The following UNC13C variants were observed in gnomAD, a reference collection of about 807,000 sequenced individuals.
UNC13C encodes protein unc-13 homolog C.
Under a neutral mutation model 245.4 loss-of-function variants are expected in UNC13C, and 174 were observed. The ratio of observed to expected loss-of-function variants is 0.71; its 90% CI spans 0.63 to 0.80. The LOEUF (loss-of-function observed/expected upper bound fraction) is 0.80. Among genes scored for constraint, UNC13C ranks in the 30% least tolerant of loss-of-function variants. The pLI is 0.00. For missense variants in UNC13C, 2,829 were observed against 2,602.9 expected, an observed-to-expected ratio of 1.09 and a Z score of -1.89; for synonymous variants, 992 against 895.1, an observed-to-expected ratio of 1.11 and a Z score of -1.93.
intron 10 of UNC13C, among the ~76,000 whole-genome samples, chr15:54,278,270 C>T (rs1034612539): frequency 2.0e-5 from 3 of 152,018 alleles, no homozygotes; most frequent in Non-Finnish European, 4.4e-5. Flanking sequence ...TTTAGAACTC[C>T]AAGAAAATTC....
intron 30 of UNC13C, among the ~76,000 whole-genome samples, chr15:54,608,830 A>G (rs1899920923): frequency 6.6e-6 from 1 of 152,146 alleles, no homozygotes; most frequent in South Asian, 2.1e-4. Context: ...ACAGTTCCTT[A>G]TCTTGCTATA....
At chr15:54,339,465 C>T (rs11634805) in intron 17 of UNC13C, among the ~76,000 whole-genome samples, 41,218 of 151,788 alleles carry the variant, frequency 0.27, 5,971 homozygotes, top group Admixed American at 0.36. Flanking sequence ...ATCATTCTTA[C>T]GCCTTTGCAC....
chr15:54,057,953 T>C (rs1172267845), intron 2 of UNC13C, among the ~76,000 whole-genome samples: 3 of 152,122 alleles, frequency 2.0e-5, no homozygotes, highest in African/African-American at 7.2e-5. Flanking sequence ...CTGGGACTCA[T>C]TCAGAGCAGT....
chr15:54,128,771 G>A (rs554182704), intron 2 of UNC13C, among the ~76,000 whole-genome samples: 2 of 152,300 alleles, frequency 1.3e-5, no homozygotes, highest in African/African-American at 4.8e-5. Flanking sequence ...ATGGCTGGGA[G>A]TTGAGACTTC....
intron 2 of UNC13C, among the ~76,000 whole-genome samples, chr15:54,058,924 A>T (rs1306181900): frequency 6.6e-6 from 1 of 152,226 alleles, no homozygotes; most frequent in Non-Finnish European, 1.5e-5. Flanking sequence ...CTTCATGCTA[A>T]AAACTCTCAA....
rs1900576323 is a variant in UNC13C at position 54,618,366 on chromosome 15, T to A, written c.6107-3961T>A. Reference sequence around the variant, plus strand: ...TGTTGTAGACACACAGATGGTGATTTCACATGTAGGCTAATCCCTATGGAT... The same window carrying A: ...TGTTGTAGACACACAGATGGTGATTACACATGTAGGCTAATCCCTATGGAT... On this transcript the variant is annotated intron_variant, in intron 30 of 32. Transcript: ENST00000260323. Among the ~76,000 whole-genome samples, 2 of 152,170 alleles carry A rather than the reference T, an allele frequency of 1.3e-5. 1 individual carries two copies. Among genetic ancestry groups the A allele is most frequent in the South Asian group, 4.1e-4 (2 of 4,826 alleles).
intron 10 of UNC13C, among the ~76,000 whole-genome samples, chr15:54,279,629 G>A (rs1413447112): frequency 6.6e-6 from 1 of 152,184 alleles, no homozygotes; most frequent in Non-Finnish European, 1.5e-5. Context: ...GAATAGCTAA[G>A]AGAAAGGATG....
chr15:54,032,508 G>C (rs1271287223), intron 2 of UNC13C, among the ~76,000 whole-genome samples: 1 of 152,084 alleles, frequency 6.6e-6, no homozygotes, highest in Non-Finnish European at 1.5e-5. Flanking sequence ...TTTAGCACAA[G>C]GTATCCAATT....
chr15:54,416,231 TA>T (rs1036939554), intron 19 of UNC13C, among the ~76,000 whole-genome samples: 2 of 152,198 alleles, frequency 1.3e-5, no homozygotes, highest in Admixed American at 1.3e-4. Flanking sequence ...TCATTTTGAT[TA>T]CAATATGGAA....
chr15:54,134,552 C>G (rs571262805), intron 2 of UNC13C, among the ~76,000 whole-genome samples: 10 of 152,080 alleles, frequency 6.6e-5, no homozygotes, highest in Non-Finnish European at 1.3e-4. Context: ...CTCGCTGTCT[C>G]GCTGTCTCCC....
chr15:54,614,000 C>G (rs16974964), intron 30 of UNC13C, among the ~76,000 whole-genome samples: 4,141 of 151,994 alleles, frequency 0.027, 192 homozygotes, highest in African/African-American at 0.094. Context: ...GTTGCCCCAG[C>G]TACTTTAATT....
the UNC13C span, among the ~76,000 whole-genome samples, chr15:53,941,023 G>A: frequency 6.6e-6 from 1 of 151,094 alleles, no homozygotes; most frequent in African/African-American, 2.4e-5. Context: ...AAACAACAAA[G>A]CTAGAAGCAT....
chr15:54,337,751 G>T (rs1178862021), intron 16 of UNC13C, among the ~76,000 whole-genome samples: 1 of 151,922 alleles, frequency 6.6e-6, no homozygotes, highest in Non-Finnish European at 1.5e-5. Flanking sequence ...TAGTTGTTTT[G>T]CTAAAATTAG....
At chr15:54,243,141 C>A (rs1462281846) in intron 7 of UNC13C, among the ~76,000 whole-genome samples, 2 of 150,504 alleles carry the variant, frequency 1.3e-5, no homozygotes, top group Non-Finnish European at 3.0e-5. Flanking sequence ...TCCTCCCACC[C>A]CCACCCCGAC....
At chr15:54,388,658 T>C (rs1313429496) in intron 17 of UNC13C, among the ~76,000 whole-genome samples, 1 of 152,214 alleles carries the variant, frequency 6.6e-6, no homozygotes, top group Non-Finnish European at 1.5e-5. Context: ...GATCTCATTC[T>C]CTTCCGTTTC....
intron 2 of UNC13C, among the ~76,000 whole-genome samples, chr15:54,032,808 C>A (rs12915215): frequency 1.3e-5 from 2 of 152,074 alleles, no homozygotes; most frequent in Admixed American, 1.3e-4. Flanking sequence ...ATAGATTTTC[C>A]TTTAAATGAA....
At chr15:54,602,921 T>C (rs1228193910) in intron 30 of UNC13C, among the ~76,000 whole-genome samples, 1 of 10,176 alleles carries the variant, frequency 9.8e-5, no homozygotes, top group Admixed American at 8.3e-4. Flanking sequence ...TTCCTGCAAG[T>C]TGGCCTCTGT....
the UNC13C span, among the ~76,000 whole-genome samples, chr15:53,915,514 G>A: frequency 6.6e-6 from 1 of 152,246 alleles, no homozygotes; most frequent in East Asian, 1.9e-4. Context: ...TATGACCAAT[G>A]AAGGATAGAT....
chr15:54,134,426 G>A (rs1470164298), intron 2 of UNC13C, among the ~76,000 whole-genome samples: 1 of 127,264 alleles, frequency 7.9e-6, no homozygotes, highest in Non-Finnish European at 1.9e-5. Flanking sequence ...TCATCTGTGT[G>A]TGTGTGTGTG....
Sources: gnomAD v4.1 joint callset for allele counts (sites outside exome capture counted in the v4.1 genomes callset) on GRCh38, gnomAD v4.1.1 for gene constraint, MANE v1.5 for transcripts, NCBI Gene and HGNC (gene_info 2026-07-23, HGNC 2026-07-21) for gene names.